The following CTNND2 variants were observed in gnomAD, a reference collection of about 807,000 sequenced individuals.
CTNND2 encodes catenin delta-2.
CTNND2 carries 22 observed loss-of-function variants against 144.4 expected under a neutral mutation model. That is an observed-to-expected ratio of 0.15 (90% CI 0.11 to 0.22). The LOEUF (loss-of-function observed/expected upper bound fraction) is 0.22, where lower values mean the gene tolerates loss of function less well. CTNND2 is among the 10% of genes least tolerant of loss of function. The pLI is 1.00. For missense variants in CTNND2, 1,353 were observed against 1,618.8 expected (o/e 0.84, Z 2.82); for synonymous variants, 751 against 695.6 (o/e 1.08, Z -1.25).
At chr5:11,283,613 G>T (rs1269401162) in intron 9 of CTNND2, among the ~76,000 whole-genome samples, 1 of 127,760 alleles carries the variant, frequency 7.8e-6, no homozygotes, top group Non-Finnish European at 1.6e-5. Context: ...GGCGGAGGTT[G>T]CAGTAAGCCA....
chr5:11,283,485 C>T (rs969869866), intron 9 of CTNND2, among the ~76,000 whole-genome samples: 1 of 151,612 alleles, frequency 6.6e-6, no homozygotes, highest in Non-Finnish European at 1.5e-5. Context: ...ACCAGCCTGG[C>T]CAACATAGTG....
chr5:11,576,390 C>A (rs1223556403), intron 2 of CTNND2, among the ~76,000 whole-genome samples: 1 of 149,438 alleles, frequency 6.7e-6, no homozygotes, highest in Non-Finnish European at 1.5e-5. Flanking sequence ...AAATTACATA[C>A]AATTAAGATT....
chr5:11,470,982 T>TATATATATATATATATATATATA (rs56744030), intron 3 of CTNND2, among the ~76,000 whole-genome samples: 3 of 37,910 alleles, frequency 7.9e-5, no homozygotes, highest in Non-Finnish European at 1.0e-4. Flanking sequence ...ATATATATAT[T>TATATATATATATATATATATATA]TTTTTTTTTT....
At chr5:11,041,830 G>A (rs1744721371) in intron 16 of CTNND2, among the ~76,000 whole-genome samples, 2 of 152,180 alleles carry the variant, frequency 1.3e-5, no homozygotes, top group South Asian at 2.1e-4. Context: ...GTTTTAAAAG[G>A]TGCTATGTTA....
chr5:11,025,248 T>A (rs1742700612), intron 16 of CTNND2, among the ~76,000 whole-genome samples: 1 of 152,198 alleles, frequency 6.6e-6, no homozygotes, highest in African/African-American at 2.4e-5. Flanking sequence ...CTCGGGGCAG[T>A]TTGTTAATTA....
intron 3 of CTNND2, among the ~76,000 whole-genome samples, chr5:11,485,370 TGTGTGC>T (rs1290107316): frequency 3.2e-5 from 4 of 126,494 alleles, no homozygotes; most frequent in African/African-American, 7.9e-5. Context: ...TGTGTGTGTG[TGTGTGC>T]GCGCGCGCGC....
chr5:11,800,633 A>T (rs1014784617), intron 1 of CTNND2, among the ~76,000 whole-genome samples: 5 of 152,134 alleles, frequency 3.3e-5, no homozygotes, highest in African/African-American at 1.2e-4. Flanking sequence ...GAAACTTCTA[A>T]AAAAATTTTT....
intron 9 of CTNND2, among the ~76,000 whole-genome samples, chr5:11,239,206 C>T (rs986416368): frequency 3.3e-5 from 5 of 152,256 alleles, no homozygotes; most frequent in African/African-American, 1.2e-4. Flanking sequence ...CGGCATATGC[C>T]AAGTGCACCT....
chr5:11,827,350 T>A (rs1793656867), intron 1 of CTNND2, among the ~76,000 whole-genome samples: 1 of 152,156 alleles, frequency 6.6e-6, no homozygotes, highest in African/African-American at 2.4e-5. Flanking sequence ...CTGCATTAAA[T>A]CCTTCGGTAA....
intron 11 of CTNND2, among the ~76,000 whole-genome samples, chr5:11,167,621 T>C (rs1759465529): frequency 6.6e-6 from 1 of 151,940 alleles, no homozygotes; most frequent in African/African-American, 2.4e-5. Flanking sequence ...CAAATTTCAG[T>C]ACCAGCAGCA....
At chr5:11,162,667 T>C (rs1199323535) in intron 11 of CTNND2, among the ~76,000 whole-genome samples, 1 of 151,388 alleles carries the variant, frequency 6.6e-6, no homozygotes, top group Non-Finnish European at 1.5e-5. Context: ...GATGAAGTCT[T>C]GGTAAAGTGG....
intron 10 of CTNND2, among the ~76,000 whole-genome samples, chr5:11,231,364 T>C (rs993665382): frequency 2.6e-5 from 4 of 152,198 alleles, no homozygotes; most frequent in African/African-American, 7.2e-5. Context: ...GAAGAAGATA[T>C]ATAGAAGTAC....
At chr5:11,136,917 C>A (rs1426703595) in intron 12 of CTNND2, among the ~76,000 whole-genome samples, 1 of 152,200 alleles carries the variant, frequency 6.6e-6, no homozygotes, top group Non-Finnish European at 1.5e-5. Context: ...GATCCCCTGA[C>A]CAGGCTAAAT....
intron 1 of CTNND2, among the ~76,000 whole-genome samples, chr5:11,757,012 G>C (rs966192043): frequency 6.6e-6 from 1 of 151,272 alleles, no homozygotes; most frequent in Non-Finnish European, 1.5e-5. Flanking sequence ...CACAATATCT[G>C]GTTTTCAAAT....
intron 1 of CTNND2, among the ~76,000 whole-genome samples, chr5:11,822,829 A>C (rs997045408): frequency 6.6e-6 from 1 of 152,128 alleles, no homozygotes; most frequent in Non-Finnish European, 1.5e-5. Context: ...ATCCTTCCCT[A>C]CGCATGTTTT....
intron 16 of CTNND2, among the ~76,000 whole-genome samples, chr5:11,030,620 T>C (rs1461498451): frequency 6.6e-6 from 1 of 152,102 alleles, no homozygotes; most frequent in African/African-American, 2.4e-5. Flanking sequence ...TATTTATGTT[T>C]CCATTTTGTT....
intron 1 of CTNND2, among the ~76,000 whole-genome samples, chr5:11,880,004 G>A (rs745410356): frequency 9.9e-5 from 15 of 152,102 alleles, no homozygotes; most frequent in Non-Finnish European, 1.8e-4. Flanking sequence ...CCACTGTCCT[G>A]GGTTCTGGAG....
At chr5:11,584,287 C>G (rs1310483566) in intron 2 of CTNND2, among the ~76,000 whole-genome samples, 1 of 152,148 alleles carries the variant, frequency 6.6e-6, no homozygotes, top group Non-Finnish European at 1.5e-5. Flanking sequence ...TTACTCTATA[C>G]ATGCAAAACA....
chr5:11,167,681 CA>C (rs1388690075), intron 11 of CTNND2, among the ~76,000 whole-genome samples: 1 of 150,316 alleles, frequency 6.7e-6, no homozygotes, highest in African/African-American at 2.4e-5. Context: ...GGCAAGAAGC[CA>C]GAAGTCATAT....
Sources: gnomAD v4.1 joint callset for allele counts (sites outside exome capture counted in the v4.1 genomes callset) on GRCh38, gnomAD v4.1.1 for gene constraint, MANE v1.5 for transcripts, NCBI Gene and HGNC (gene_info 2026-07-23, HGNC 2026-07-21) for gene names.